Variants in CCDC15 observed in about 807,000 individuals in gnomAD.
The protein encoded by CCDC15 is coiled-coil domain-containing protein 15.
In CCDC15, 105 loss-of-function variants were observed where a neutral mutation model predicts 114.5. The ratio of observed to expected loss-of-function variants is 0.92; its 90% confidence interval spans 0.78 to 1.08. CCDC15 has a LOEUF of 1.08. Among genes scored for constraint, CCDC15 ranks in the 50% least tolerant of loss-of-function variants. The pLI is 0.00. For missense variants in CCDC15, 1,105 were observed against 1,093.6 expected, an observed-to-expected ratio of 1.01 and a Z score of -0.15; for synonymous variants, 334 against 377.8, an observed-to-expected ratio of 0.88 and a Z score of 1.34.
chr11:124,998,165 C>A (rs1243147066), intron 11 of CCDC15, among the ~76,000 whole-genome samples: 2 of 152,106 alleles, frequency 1.3e-5, no homozygotes, highest in Non-Finnish European at 2.9e-5. Flanking sequence ...TCTTGTTGCC[C>A]CCCAGAGAGG....
chr11:125,039,152 A>G, intron 15 of CCDC15, 83 bp downstream of exon 15: 1 of 1,291,926 alleles, frequency 7.7e-7, no homozygotes, highest in Non-Finnish European at 1.1e-6. Context: ...TTTACCATTT[A>G]TTGAGTGCTT....
At chr11:124,992,535 A>G (rs371820475) in intron 9 of CCDC15, 45 bp from the exon 10 acceptor site, 4 of 1,181,010 alleles carry the variant, frequency 3.4e-6, no homozygotes, top group African/African-American at 3.1e-5. Context: ...GCATTACACA[A>G]TTTTTTTTCT....
At chr11:125,020,059 C>A (rs1948652075) in intron 13 of CCDC15, among the ~76,000 whole-genome samples, 1 of 151,768 alleles carries the variant, frequency 6.6e-6, no homozygotes, top group African/African-American at 2.4e-5. Flanking sequence ...CATTTGAAGT[C>A]ACAAGGAAGA....
At chr11:125,009,943 T>C (rs1948578189) in intron 13 of CCDC15, among the ~76,000 whole-genome samples, 1 of 152,194 alleles carries the variant, frequency 6.6e-6, no homozygotes, top group Non-Finnish European at 1.5e-5. Flanking sequence ...TTTGCTGTTT[T>C]GAATAGTGGT....
In CCDC15 at chr11:124,988,066, C is replaced by T. The variant is rs1237273506; in HGVS notation, c.1840C>T (p.His614Tyr). Residue 614 changes from histidine (H) to tyrosine (Y), a missense_variant, in exon 8 of 16, where the codon CAT becomes TAT. His to Tyr is a moderately conservative substitution (Grantham distance 83, BLOSUM62 2). Transcript: ENST00000344762. ...CCGGGATTTTCTACCCAGAGACCTG[C>T]ATGTTCTCTCCAACGACCAGAATAT... Reference protein sequence around the residue: ...QDRDFLPRDLHVLSNDQNILP... With the variant: ...QDRDFLPRDLYVLSNDQNILP... 1 of 1,613,928 alleles carries T rather than the reference C, an allele frequency of 6.2e-7. No individual in the cohort carries two copies. Among genetic ancestry groups the T allele is most frequent in the South Asian group, 1.1e-5 (1 of 91,068 alleles).
intron 7 of CCDC15, 68 bp from the exon 8 acceptor site, chr11:124,987,051 ATTTCGATT>A (rs1250435895): frequency 7.3e-7 from 1 of 1,375,506 alleles, no homozygotes; most frequent in Non-Finnish European, 9.6e-7. Flanking sequence ...TCATTTTGAT[ATTTCGATT>A]ATTTTGGAAA....
chr11:125,020,031 A>G (rs141981720), intron 13 of CCDC15, among the ~76,000 whole-genome samples: 210 of 152,008 alleles, frequency 1.4e-3, no homozygotes, highest in South Asian at 4.6e-3. Flanking sequence ...CTCTGCTATG[A>G]AACATTAGAA....
intron 13 of CCDC15, among the ~76,000 whole-genome samples, chr11:125,037,155 GGTTTTGGTATACA>G (rs111294100): frequency 0.063 from 9,569 of 152,150 alleles, 366 homozygotes; most frequent in African/African-American, 0.1. Context: ...TATTGAACCT[GGTTTTGGTATACA>G]GTCAAGTTCA....
chr11:124,979,318 G>T (rs368634736), intron 6 of CCDC15, among the ~76,000 whole-genome samples: 1 of 151,922 alleles, frequency 6.6e-6, no homozygotes, highest in African/African-American at 2.4e-5. Flanking sequence ...TTTCTATGAA[G>T]AATGTCATTG....
chr11:124,957,930 T>G (rs559968125), intron 2 of CCDC15, among the ~76,000 whole-genome samples: 1 of 152,250 alleles, frequency 6.6e-6, no homozygotes, highest in Non-Finnish European at 1.5e-5. Context: ...AAGAGAGACA[T>G]AGTCAAGAGA....
At chr11:124,986,682 T>G in intron 6 of CCDC15, 60 bp from the exon 7 acceptor site, 2 of 1,387,838 alleles carry the variant, frequency 1.4e-6, no homozygotes, top group Non-Finnish European at 1.9e-6. Flanking sequence ...TGTGTGTGTG[T>G]GTGTGTGTTT....
intron 15 of CCDC15, 41 bp downstream of exon 15, chr11:125,039,110 A>C: frequency 6.6e-7 from 1 of 1,518,382 alleles, no homozygotes; most frequent in Non-Finnish European, 8.9e-7. Flanking sequence ...AATGGCAACA[A>C]GAAAAATAAA....
In CCDC15 at chr11:125,015,628, A is replaced by AT. The variant is rs542832738; in HGVS notation, c.2411+10417dup. ...AAAATCCAGGTTCAGATTCCAGCTC[A>AT]TATATCTTCACTGGGGAATTCTTTT... On this transcript the variant is annotated intron_variant, in intron 13 of 15. Coordinates refer to ENST00000344762, the MANE Select transcript of CCDC15 (RefSeq NM_025004.3). 2.1e-3 allele frequency among the ~76,000 whole-genome samples: 315 copies of AT among 152,350 alleles called. 1 individual carries two copies. The highest frequency in any genetic ancestry group is 7.3e-3 in the African/African-American group (304 of 41,586).
chr11:124,991,931 G>A (rs913989135), intron 9 of CCDC15, among the ~76,000 whole-genome samples: 10 of 152,226 alleles, frequency 6.6e-5, no homozygotes, highest in African/African-American at 9.6e-5. Flanking sequence ...TGATCTGCCC[G>A]CCTCTTCCTC....
intron 9 of CCDC15, among the ~76,000 whole-genome samples, 200 bp from the exon 10 acceptor site, chr11:124,992,380 A>G (rs191244762): frequency 5.6e-4 from 85 of 152,354 alleles, no homozygotes; most frequent in Middle Eastern, 6.8e-3. Flanking sequence ...TTGTCAGACT[A>G]TTCTGTCAAT....
intron 4 of CCDC15, among the ~76,000 whole-genome samples, chr11:124,973,025 G>A (rs1591578550): frequency 6.6e-6 from 1 of 152,094 alleles, no homozygotes; most frequent in East Asian, 1.9e-4. Context: ...ATCTTTGGGT[G>A]GCCATTATTC....
rs1057371051 is a variant in CCDC15 at position 125,004,693 on chromosome 11, G to A, written c.2308-416G>A. ...TACCTCAGCCCTTCTACCCTCCTCC[G>A]TGCCATGTTAGGCTAGGCTTAGAGT... On this transcript the variant is annotated intron_variant, in intron 12 of 15. Transcript: ENST00000344762. Among the ~76,000 whole-genome samples the A allele has an allele frequency of 3.9e-5, 6 of 151,920 alleles. No individual in the cohort carries two copies. In the South Asian group the frequency reaches 6.2e-4, roughly 16 times the overall value.
At position 125,025,129 on chromosome 11, in the gene CCDC15, A is replaced by AATATATATGAATATATGTGAGT. The variant is rs1948691902; in HGVS notation, c.2412-13291_2412-13270dup. 9.9e-5 allele frequency among the ~76,000 whole-genome samples: 13 copies of AATATATATGAATATATGTGAGT among 131,416 alleles called. No individual in the cohort carries two copies. In the South Asian group the frequency reaches 2.8e-3, roughly 28 times the overall value. The allele number at this position is 131,416 out of a possible 152,430, so 86.2% of individuals were successfully genotyped here. ...ATGAATATATGTGAGTATATATATG[A>AATATATATGAATATATGTGAGT]ATATATATGAATATATGTGAGTATA... On this transcript the variant is annotated intron_variant, in intron 13 of 15. Coordinates refer to ENST00000344762, the MANE Select transcript of CCDC15 (RefSeq NM_025004.3).
rs138175085 is a variant in CCDC15 at position 124,985,111 on chromosome 11, G to T, written c.754-1631G>T. 5.7e-4 allele frequency among the ~76,000 whole-genome samples: 86 copies of T among 152,092 alleles called. 1 individual carries two copies. The highest frequency in any genetic ancestry group is 2.0e-3 in the African/African-American group (82 of 41,426). ...TATGAAAGGAATTATATGATATATC[G>T]TCTTTTGTGACTGTTTTTTCTCTTT... is the stretch of plus-strand genomic sequence containing the variant. On this transcript the variant is annotated intron_variant, in intron 6 of 15. Coordinates refer to ENST00000344762, the MANE Select transcript of CCDC15 (RefSeq NM_025004.3).
Sources: gnomAD v4.1 joint callset for allele counts (sites outside exome capture counted in the v4.1 genomes callset) on GRCh38, gnomAD v4.1.1 for gene constraint, MANE v1.5 for transcripts, NCBI Gene and HGNC (gene_info 2026-07-23, HGNC 2026-07-21) for gene names.